Variants in GABRB1 observed in about 807,000 individuals in gnomAD.
The protein encoded by GABRB1 is gamma-aminobutyric acid type A receptor subunit beta1.
GABRB1 carries 17 observed loss-of-function variants against 51.6 expected under a neutral mutation model. That is an observed-to-expected ratio of 0.33 (90% CI 0.23 to 0.49). The LOEUF (loss-of-function observed/expected upper bound fraction) is 0.49, where lower values mean the gene tolerates loss of function less well. GABRB1 is among the 20% of genes least tolerant of loss of function. GABRB1 has a pLI of 0.99. For missense variants in GABRB1, 410 were observed against 600.6 expected, an observed-to-expected ratio of 0.68 and a Z score of 3.32; for synonymous variants, 247 against 218.9, an observed-to-expected ratio of 1.13 and a Z score of -1.14.
chr4:47,426,248 G>A lies in GABRB1; in HGVS notation c.*230G>A, dbSNP rs968402155. ...GTGGTCCAGGTTATCAGCTCTTTAA[G>A]AGCTCTATTAATTGCCATGTTTACA... is the stretch of plus-strand genomic sequence containing the variant. On this transcript the variant is annotated 3_prime_UTR_variant, in exon 9 of 9. Coordinates refer to ENST00000295454, the MANE Select transcript of GABRB1 (RefSeq NM_000812.4). The A allele has an allele frequency of 1.1e-5, 4 of 367,018 alleles. No individual in the cohort carries two copies. The highest frequency in any genetic ancestry group is 8.3e-5 in the South Asian group (1 of 12,026). 22.7% of individuals were successfully genotyped at this position (367,018 alleles called of 1,614,324 possible).
At chr4:47,308,916 A>G (rs1560326766) in intron 4 of GABRB1, among the ~76,000 whole-genome samples, 1 of 152,154 alleles carries the variant, frequency 6.6e-6, no homozygotes, top group Admixed American at 6.5e-5. Flanking sequence ...AGACCAAGAA[A>G]CTATTGCTAT....
chr4:47,004,610 G>A (rs1724331044), intron 1 of GABRB1, among the ~76,000 whole-genome samples: 2 of 152,186 alleles, frequency 1.3e-5, no homozygotes, highest in African/African-American at 2.4e-5. Context: ...AATGGGAAGA[G>A]TTTGAGATGC....
chr4:47,334,266 A>T (rs1383830878), intron 5 of GABRB1, among the ~76,000 whole-genome samples: 3 of 152,112 alleles, frequency 2.0e-5, no homozygotes, highest in African/African-American at 7.2e-5. Flanking sequence ...TTTTAAGAAA[A>T]TTTTTTAAAA....
intron 5 of GABRB1, among the ~76,000 whole-genome samples, chr4:47,369,434 TAC>T (rs34999907): frequency 0.28 from 41,182 of 149,618 alleles, 5,761 homozygotes; most frequent in Middle Eastern, 0.35. Context: ...TCTTTCTATT[TAC>T]ACACACACAC....
chr4:47,319,559 T>C (rs927131931), intron 4 of GABRB1, among the ~76,000 whole-genome samples: 1 of 152,170 alleles, frequency 6.6e-6, no homozygotes, highest in African/African-American at 2.4e-5. Flanking sequence ...TGGTGTATAT[T>C]GTTTTGACAT....
At chr4:47,213,827 T>G (rs1007117626) in intron 4 of GABRB1, among the ~76,000 whole-genome samples, 2 of 149,608 alleles carry the variant, frequency 1.3e-5, no homozygotes, top group African/African-American at 4.9e-5. Context: ...ATTTCTTTTC[T>G]GAAACAGTTT....
At chr4:47,309,768 T>C (rs1178477802) in intron 4 of GABRB1, among the ~76,000 whole-genome samples, 1 of 152,182 alleles carries the variant, frequency 6.6e-6, no homozygotes, top group Admixed American at 6.5e-5. Flanking sequence ...AAAACTGTGA[T>C]AATGTCATTA....
chr4:47,328,544 T>C (rs564260382), intron 5 of GABRB1, among the ~76,000 whole-genome samples: 16 of 152,258 alleles, frequency 1.1e-4, no homozygotes, highest in Non-Finnish European at 1.9e-4. Context: ...TAGACTGCAT[T>C]AAGAAAATGT....
chr4:47,198,084 T>A (rs1010552224), intron 4 of GABRB1, among the ~76,000 whole-genome samples: 1 of 152,156 alleles, frequency 6.6e-6, no homozygotes, highest in Non-Finnish European at 1.5e-5. Flanking sequence ...GGCAGCAGCA[T>A]GTTCAAGGAA....
chr4:47,300,658 T>C (rs1228468164), intron 4 of GABRB1, among the ~76,000 whole-genome samples: 1 of 152,130 alleles, frequency 6.6e-6, no homozygotes, highest in Non-Finnish European at 1.5e-5. Flanking sequence ...GGGTACATTG[T>C]AGGTGTATAT....
intron 3 of GABRB1, among the ~76,000 whole-genome samples, chr4:47,064,641 CAAAAAA>C (rs33963952): frequency 3.8e-4 from 22 of 58,230 alleles, no homozygotes; most frequent in Non-Finnish European, 2.2e-4. Context: ...GACTCCATCT[CAAAAAA>C]AAAAAAAAAA....
At chr4:47,340,601 G>T (rs745658377) in intron 5 of GABRB1, among the ~76,000 whole-genome samples, 27 of 151,940 alleles carry the variant, frequency 1.8e-4, no homozygotes, top group Non-Finnish European at 3.2e-4. Context: ...TGGATCTCTG[G>T]GGTCTCTTCT....
rs1460376389 is a variant in GABRB1, at chr4:47,350,698, T to C, written c.544+30489T>C. Among the ~76,000 whole-genome samples, 3 of 152,116 alleles carry C rather than the reference T, an allele frequency of 2.0e-5. No homozygotes were observed. The East Asian group carries it at 5.8e-4, about 29-fold the overall frequency. ...TTGCAAGCTATTGAATTAGCACATA[T>C]ACCACCCAGAAAAATAATCCCTTTT... On this transcript the variant is annotated intron_variant, in intron 5 of 8. Coordinates refer to ENST00000295454, the MANE Select transcript of GABRB1 (RefSeq NM_000812.4).
At chr4:47,163,544 G>C (rs1357431796) in intron 4 of GABRB1, among the ~76,000 whole-genome samples, 1 of 151,960 alleles carries the variant, frequency 6.6e-6, no homozygotes. Context: ...CAAGAGTGGG[G>C]AGAAGGGGAG....
At chr4:47,368,101 C>T (rs1727051995) in intron 5 of GABRB1, among the ~76,000 whole-genome samples, 1 of 152,214 alleles carries the variant, frequency 6.6e-6, no homozygotes. Context: ...AATATTATAT[C>T]TCTACTACCA....
intron 5 of GABRB1, among the ~76,000 whole-genome samples, chr4:47,381,997 G>A (rs566557025): frequency 1.2e-4 from 19 of 152,148 alleles, no homozygotes; most frequent in Non-Finnish European, 2.8e-4. Context: ...TCTAGGCTGG[G>A]GGTAGGGATA....
chr4:46,994,611 A>G (rs909837409), intron 1 of GABRB1, among the ~76,000 whole-genome samples: 42 of 152,216 alleles, frequency 2.8e-4, no homozygotes, highest in Non-Finnish European at 5.0e-4. Context: ...CCCTTGTGAC[A>G]TGAAAGGGAA....
chr4:47,239,890 G>T (rs931969165), intron 4 of GABRB1, among the ~76,000 whole-genome samples: 1 of 152,122 alleles, frequency 6.6e-6, no homozygotes, highest in Non-Finnish European at 1.5e-5. Flanking sequence ...CTGCTGCCAC[G>T]GGGCTCAGTG....
At chr4:47,088,046 A>T (rs1190636016) in intron 3 of GABRB1, among the ~76,000 whole-genome samples, 2 of 152,184 alleles carry the variant, frequency 1.3e-5, no homozygotes, top group African/African-American at 2.4e-5. Context: ...TTTAATTCTT[A>T]TTTATTATTG....
Sources: allele counts gnomAD v4.1 joint callset (sites outside exome capture counted in the v4.1 genomes callset), GRCh38; gene constraint gnomAD v4.1.1; transcripts MANE v1.5; gene names NCBI Gene and HGNC (gene_info 2026-07-23, HGNC 2026-07-21).